The following FHL1 variants were observed in gnomAD, a reference collection of about 807,000 sequenced individuals.
The protein encoded by FHL1 is four and a half LIM domains 1.
FHL1 carries 1 observed loss-of-function variant against 20.3 expected under a neutral mutation model. The ratio of observed to expected loss-of-function variants is 0.05; its 90% CI spans 0.02 to 0.23. The LOEUF (loss-of-function observed/expected upper bound fraction) is 0.23. Among genes scored for constraint, FHL1 ranks in the 10% least tolerant of loss-of-function variants. The probability of loss-of-function intolerance (pLI) is 1.00; values close to 1 mark genes in which losing one functional copy is unlikely to be tolerated. For missense variants in FHL1, 177 were observed against 234.0 expected, an observed-to-expected ratio of 0.76 and a Z score of 1.59; for synonymous variants, 82 against 88.9, an observed-to-expected ratio of 0.92 and a Z score of 0.44.
chrX:136,149,340 A>G (rs1311522100), intron 1 of FHL1, among the ~76,000 whole-genome samples: 2 of 112,504 alleles, frequency 1.8e-5, no homozygotes, highest in South Asian at 3.6e-4. Context: ...CTTAAGAAGA[A>G]TACGTATTAA....
intron 2 of FHL1, among the ~76,000 whole-genome samples, chrX:136,180,204 C>G (rs748886877): frequency 5.4e-5 from 6 of 112,092 alleles, no homozygotes; most frequent in African/African-American, 1.9e-4. Flanking sequence ...ACATACATAT[C>G]GCTGTCCCTT....
At chrX:136,152,426 A>C (rs1054045467) in intron 1 of FHL1, among the ~76,000 whole-genome samples, 3 of 111,995 alleles carry the variant, frequency 2.7e-5, no homozygotes, top group Non-Finnish European at 5.6e-5. Flanking sequence ...CTCTGGGTAA[A>C]AAGTAACTTC....
At chrX:136,165,123 A>C (rs1290058231), upstream of FHL1, among the ~76,000 whole-genome samples, 1 of 112,149 alleles carries the variant, frequency 8.9e-6, no homozygotes, top group Non-Finnish European at 1.9e-5. Context: ...ATATAAGGAC[A>C]CAAAACTGGA....
At chrX:136,209,772 G>A (rs2073955825) in intron 5 of FHL1, 99 bp from the exon 6 acceptor site, 2 of 987,716 alleles carry the variant, frequency 2.0e-6, no homozygotes, top group Admixed American at 5.6e-5. Context: ...TGTGAGTGGG[G>A]CAGGTCGTCA....
chrX:136,148,745 T>TTACAAACC (rs1427267953), intron 1 of FHL1: 1 of 112,120 alleles, frequency 8.9e-6, no homozygotes, highest in East Asian at 2.8e-4. Context: ...CAGGTTTGTT[T>TTACAAACC]TGATTGCCTT....
intron 2 of FHL1, among the ~76,000 whole-genome samples, chrX:136,186,753 C>T (rs1301832962): frequency 1.1e-4 from 12 of 108,490 alleles, no homozygotes; most frequent in African/African-American, 4.0e-4. Flanking sequence ...ACTCAGGAGG[C>T]TGAGGCAGGA....
At chrX:136,209,720 T>C in intron 5 of FHL1, 151 bp from the exon 6 acceptor site, 1 of 642,080 alleles carries the variant, frequency 1.6e-6, no homozygotes, top group Non-Finnish European at 2.3e-6. Flanking sequence ...GAGGAGGGGG[T>C]CTGGGAGCCA....
chrX:136,206,340 G>A, intron 1 of FHL1, 67 bp from the exon 2 acceptor site: 1 of 1,177,779 alleles, frequency 8.5e-7, no homozygotes, highest in African/African-American at 1.7e-5. Flanking sequence ...AGGTGCCTCT[G>A]GGAGCCACTG....
At chrX:136,170,281 A>G (rs1457973632) in intron 2 of FHL1, among the ~76,000 whole-genome samples, 1 of 112,003 alleles carries the variant, frequency 8.9e-6, no homozygotes, top group Non-Finnish European at 1.9e-5. Context: ...TTGCACGAAC[A>G]GTAGGGAGCA....
At chrX:136,208,965 T>TGGGGGGGGGGGGGGGGGGGGGGG (rs2073929025) in intron 5 of FHL1, among the ~76,000 whole-genome samples, 1 of 6,591 alleles carries the variant, frequency 1.5e-4, no homozygotes, top group Admixed American at 2.0e-3. Flanking sequence ...AAGAAGGGGG[T>TGGGGGGGGGGGGGGGGGGGGGGG]GGGGGAGGGT....
intron 1 of FHL1, among the ~76,000 whole-genome samples, chrX:136,155,346 AGTT>A (rs1386105663): frequency 8.9e-6 from 1 of 112,128 alleles, no homozygotes; most frequent in Non-Finnish European, 1.9e-5. Flanking sequence ...GAGTGAGAAG[AGTT>A]GTTGTCACTC....
At chrX:136,193,840 T>A (rs765981199), upstream of FHL1, among the ~76,000 whole-genome samples, 46 of 110,388 alleles carry the variant, frequency 4.2e-4, no homozygotes, top group Non-Finnish European at 8.1e-4. Context: ...CTTGCATGAC[T>A]CCATCTCATT....
intron 2 of FHL1, among the ~76,000 whole-genome samples, chrX:136,187,700 G>A (rs944703239): frequency 1.8e-5 from 2 of 111,389 alleles, no homozygotes; most frequent in African/African-American, 3.3e-5. Context: ...CCCACGGGGT[G>A]GGGGTGGGGT....
intron 2 of FHL1, among the ~76,000 whole-genome samples, chrX:136,178,773 G>A (rs111942593): frequency 1.2e-5 from 1 of 86,219 alleles, no homozygotes; most frequent in Non-Finnish European, 2.2e-5. Context: ...TTTTTTTTTT[G>A]AGACATAGTC....
chrX:136,200,169 C>T (rs1603267162), intron 1 of FHL1, among the ~76,000 whole-genome samples: 1 of 111,741 alleles, frequency 8.9e-6, no homozygotes, highest in South Asian at 3.7e-4. Context: ...TCAGGCTACC[C>T]TTTTGGAATA....
At chrX:136,147,307 C>T (rs2072118847), upstream of FHL1, 1 of 80,546 alleles carries the variant, frequency 1.2e-5, no homozygotes, top group African/African-American at 4.6e-5. Flanking sequence ...GCAAGCCGCC[C>T]CTCTCCCCAC....
At chrX:136,179,998 T>A (rs1200419013) in intron 2 of FHL1, among the ~76,000 whole-genome samples, 1 of 111,962 alleles carries the variant, frequency 8.9e-6, no homozygotes, top group Non-Finnish European at 1.9e-5. Flanking sequence ...TCTGTACGCT[T>A]TACCCCTAAA....
intron 2 of FHL1, among the ~76,000 whole-genome samples, chrX:136,183,782 T>TA (rs2073223220): frequency 9.0e-6 from 1 of 111,654 alleles, no homozygotes; most frequent in African/African-American, 3.2e-5. Context: ...GAAAGTTTTT[T>TA]AGATTTATGC....
At chrX:136,198,468 CTG>C (rs1274516057) in intron 1 of FHL1, among the ~76,000 whole-genome samples, 1 of 112,036 alleles carries the variant, frequency 8.9e-6, no homozygotes, top group Non-Finnish European at 1.9e-5. Context: ...GCTCTAATAA[CTG>C]TGGCTAAATG....
Sources: allele counts gnomAD v4.1 joint callset (sites outside exome capture counted in the v4.1 genomes callset), GRCh38; gene constraint gnomAD v4.1.1; transcripts MANE v1.5; gene names NCBI Gene and HGNC (gene_info 2026-07-23, HGNC 2026-07-21).